TSHZ2: variants seen among roughly 807,000 people sequenced by gnomAD.
TSHZ2 encodes teashirt zinc finger homeobox 2.
Under a neutral mutation model 74.4 loss-of-function variants are expected in TSHZ2, and 21 were observed. That is an observed-to-expected ratio of 0.28 (90% confidence interval 0.20 to 0.41). The LOEUF is 0.41. Among genes scored for constraint, TSHZ2 ranks in the 10% least tolerant of loss-of-function variants. The probability of loss-of-function intolerance (pLI) is 1.00; values close to 1 mark genes in which losing one functional copy is unlikely to be tolerated. For synonymous variants in TSHZ2, 540 were observed against 515.3 expected, an observed-to-expected ratio of 1.05 and a Z score of -0.65; for missense variants, 1,244 against 1,293.5, an observed-to-expected ratio of 0.96 and a Z score of 0.59.
intron 1 of TSHZ2, among the ~76,000 whole-genome samples, chr20:53,181,715 T>C (rs1243975303): frequency 3.9e-5 from 6 of 152,078 alleles, no homozygotes; most frequent in African/African-American, 9.7e-5. Flanking sequence ...AGTGAAACCC[T>C]GTCTCTACCA....
At chr20:53,460,567 C>A (rs1985317173) in intron 2 of TSHZ2, among the ~76,000 whole-genome samples, 1 of 152,216 alleles carries the variant, frequency 6.6e-6, no homozygotes, top group Non-Finnish European at 1.5e-5. Flanking sequence ...CATTCTCCGT[C>A]CAGCTTTGTT....
chr20:53,437,206 C>T (rs997313627), intron 2 of TSHZ2, among the ~76,000 whole-genome samples: 3 of 152,196 alleles, frequency 2.0e-5, no homozygotes, highest in Admixed American at 1.3e-4. Flanking sequence ...GGCACAGTAG[C>T]TCACGCCTGT....
chr20:53,428,767 C>T (rs6123281), intron 2 of TSHZ2, among the ~76,000 whole-genome samples: 12,622 of 152,196 alleles, frequency 0.083, 918 homozygotes, highest in East Asian at 0.31. Context: ...TCCTCTTCCA[C>T]ATCATGCCCC....
At position 52,978,839 on chromosome 20, in the gene TSHZ2, T is replaced by C. The variant is rs114696385; in HGVS notation, c.40+5506T>C. ...CTAATGTTGTGATAAATACAGACTA[T>C]CTTTTACTGTAGTCTGTAATCAGGG... On this transcript the variant is annotated intron_variant, in intron 1 of 2. Transcript: ENST00000371497. 6.4e-3 allele frequency among the ~76,000 whole-genome samples: 979 copies of C among 152,318 alleles called. 14 individuals carry two copies. Among genetic ancestry groups the C allele is most frequent in the African/African-American group, 0.022 (921 of 41,566 alleles).
chr20:52,976,356 G>A (rs994604885), intron 1 of TSHZ2, among the ~76,000 whole-genome samples: 3 of 152,064 alleles, frequency 2.0e-5, no homozygotes, highest in African/African-American at 4.8e-5. Context: ...CTATTACTTA[G>A]GGCAAGAAAA....
chr20:53,126,744 C>CA (rs1986957279), intron 1 of TSHZ2, among the ~76,000 whole-genome samples: 1 of 152,110 alleles, frequency 6.6e-6, no homozygotes, highest in East Asian at 1.9e-4. Flanking sequence ...AAAATATGAC[C>CA]AAAGCTGAAA....
At chr20:53,460,538 T>C (rs201173866) in intron 2 of TSHZ2, among the ~76,000 whole-genome samples, 12,613 of 152,214 alleles carry the variant, frequency 0.083, 623 homozygotes, top group South Asian at 0.23. Context: ...GAAGCCTTCT[T>C]CTCTCAGCTC....
At chr20:53,367,753 A>T (rs1981321798) in intron 2 of TSHZ2, among the ~76,000 whole-genome samples, 2 of 151,872 alleles carry the variant, frequency 1.3e-5, no homozygotes, top group Admixed American at 1.3e-4. Context: ...TTGTATTTTT[A>T]GTAGAGACGG....
intron 1 of TSHZ2, among the ~76,000 whole-genome samples, chr20:53,186,091 C>T (rs143288467): frequency 1.2e-4 from 19 of 152,300 alleles, no homozygotes; most frequent in African/African-American, 4.1e-4. Context: ...CCCTATCACA[C>T]GCTCTTATTA....
intron 2 of TSHZ2, among the ~76,000 whole-genome samples, chr20:53,394,295 C>T (rs904988127): frequency 6.6e-6 from 1 of 152,180 alleles, no homozygotes; most frequent in Non-Finnish European, 1.5e-5. Flanking sequence ...TAAGGCAAAG[C>T]AGGAACAAGT....
chr20:53,129,367 T>A (rs16997579), intron 1 of TSHZ2, among the ~76,000 whole-genome samples: 14,444 of 152,054 alleles, frequency 0.095, 1,989 homozygotes, highest in African/African-American at 0.31. Context: ...GTTACTTTTT[T>A]AAAAATCGGG....
intron 2 of TSHZ2, among the ~76,000 whole-genome samples, chr20:53,385,949 T>A (rs990683636): frequency 6.6e-6 from 1 of 152,182 alleles, no homozygotes; most frequent in Non-Finnish European, 1.5e-5. Flanking sequence ...ATGTCCCACC[T>A]GCCACACCGG....
At chr20:52,976,393 A>T (rs1367046965) in intron 1 of TSHZ2, among the ~76,000 whole-genome samples, 2 of 152,120 alleles carry the variant, frequency 1.3e-5, no homozygotes, top group South Asian at 4.1e-4. Context: ...AGCCTACAGT[A>T]CCCCAGGGGT....
At chr20:53,365,773 C>T (rs144387765) in intron 2 of TSHZ2, among the ~76,000 whole-genome samples, 1 of 152,238 alleles carries the variant, frequency 6.6e-6, no homozygotes, top group Admixed American at 6.5e-5. Flanking sequence ...ACCTTGGTCT[C>T]TCTTCTGGAA....
chr20:53,394,761 C>CAAAAAAAAAAAAAAAAAAA lies in TSHZ2; in HGVS notation c.*9-92382_*9-92364dup, dbSNP rs3042185. On this transcript the variant is annotated intron_variant, in intron 2 of 2. Transcript: ENST00000371497. Reference sequence around the variant, plus strand: ...GCAAACATCACTAATCAATCTGTCTCAAAAAAAAAAAAAAAAAAACTGTTC... The same window carrying CAAAAAAAAAAAAAAAAAAA: ...GCAAACATCACTAATCAATCTGTCTCAAAAAAAAAAAAAAAAAAAAAAAAAAAAAAAAAAAAAACTGTTC... Among the ~76,000 whole-genome samples, 52 of 72,352 alleles carry CAAAAAAAAAAAAAAAAAAA rather than the reference C, an allele frequency of 7.2e-4. 1 individual carries two copies. The highest frequency in any genetic ancestry group is 2.6e-3 in the African/African-American group (48 of 18,632). 47.5% of individuals were successfully genotyped at this position (72,352 alleles called of 152,430 possible). A position where few individuals can be genotyped will look rare whatever the true frequency, so the allele number is the denominator to read the frequency against.
intron 2 of TSHZ2, among the ~76,000 whole-genome samples, chr20:53,380,806 A>G (rs1981829589): frequency 6.6e-6 from 1 of 152,210 alleles, no homozygotes; most frequent in Non-Finnish European, 1.5e-5. Context: ...GGTTCAAGAG[A>G]ATGGCAATTG....
chr20:53,353,454 G>A (rs1017039197), intron 2 of TSHZ2, among the ~76,000 whole-genome samples: 7 of 152,096 alleles, frequency 4.6e-5, no homozygotes, highest in Non-Finnish European at 7.4e-5. Context: ...TTTATAAATC[G>A]ATTCTTCCTA....
chr20:53,098,225 T>C (rs1986113272), intron 1 of TSHZ2, among the ~76,000 whole-genome samples: 1 of 152,248 alleles, frequency 6.6e-6, no homozygotes, highest in African/African-American at 2.4e-5. Flanking sequence ...CAATAAATAC[T>C]GGTTGACTGT....
At chr20:53,431,288 C>T (rs1983840744) in intron 2 of TSHZ2, among the ~76,000 whole-genome samples, 1 of 152,018 alleles carries the variant, frequency 6.6e-6, no homozygotes, top group Non-Finnish European at 1.5e-5. Context: ...GAAACCCCAT[C>T]TCTACTAAAA....
Sources: allele counts gnomAD v4.1 joint callset (sites outside exome capture counted in the v4.1 genomes callset), GRCh38; gene constraint gnomAD v4.1.1; transcripts MANE v1.5; gene names NCBI Gene and HGNC (gene_info 2026-07-23, HGNC 2026-07-21).